SLC9B2: variants seen among roughly 807,000 people sequenced by gnomAD.
SLC9B2 encodes the protein sodium/hydrogen exchanger 9B2.
Under a neutral mutation model 52.2 loss-of-function variants are expected in SLC9B2, and 39 were observed. That is an observed-to-expected ratio of 0.75 (90% CI 0.58 to 0.98). The LOEUF (loss-of-function observed/expected upper bound fraction) is 0.98. Ranked by LOEUF, SLC9B2 falls within the 50% of genes least tolerant of loss-of-function variation. The probability of loss-of-function intolerance (pLI) is 0.00; values close to 1 mark genes in which losing one functional copy is unlikely to be tolerated. For missense variants in SLC9B2, 626 were observed against 637.5 expected (o/e 0.98, Z 0.19); for synonymous variants, 214 against 227.0 (o/e 0.94, Z 0.51).
chr4:103,042,370 G>C (rs1205859846), intron 9 of SLC9B2: 1 of 152,032 alleles, frequency 6.6e-6, no homozygotes, highest in Non-Finnish European at 1.5e-5. Flanking sequence ...ATCCTATCAA[G>C]TTCAAATCTA....
rs1460395807 is a variant in SLC9B2, at chr4:103,023,817, T to G, written c.*2553A>C. Among the ~76,000 whole-genome samples the G allele has an allele frequency of 2.0e-5, 3 of 152,196 alleles. No homozygotes were observed. Among genetic ancestry groups the G allele is most frequent in the African/African-American group, 7.2e-5 (3 of 41,432 alleles). On this transcript the variant is annotated 3_prime_UTR_variant, in exon 12 of 12. Transcript: ENST00000394785. The stretch of plus-strand genomic sequence containing the variant: ...ACTCTGTGGACTTCCATTTCTAATT[T>G]TCCTAGGGGCCCTAAACATATTCAA...
At chr4:103,064,137 T>C (rs1745894747) in intron 3 of SLC9B2, among the ~76,000 whole-genome samples, 1 of 152,198 alleles carries the variant, frequency 6.6e-6, no homozygotes, top group African/African-American at 2.4e-5. Context: ...TGCAATCCCA[T>C]TACTGGGTAT....
chr4:103,066,625 T>G (rs1746154103), intron 2 of SLC9B2, 118 bp from the exon 3 acceptor site: 2 of 982,956 alleles, frequency 2.0e-6, no homozygotes, highest in Non-Finnish European at 1.4e-6. Context: ...GGATAACACT[T>G]TGTAGAAAAA....
At chr4:103,076,819 C>A (rs781732082), upstream of SLC9B2, 2 of 152,344 alleles carry the variant, frequency 1.3e-5, no homozygotes, top group African/African-American at 4.8e-5. Flanking sequence ...CGGCGCAGGC[C>A]GGGCAGCCCG....
intron 4 of SLC9B2, among the ~76,000 whole-genome samples, chr4:103,057,266 A>ATG (rs1337234783): frequency 6.8e-6 from 1 of 147,560 alleles, no homozygotes; most frequent in African/African-American, 2.5e-5. Flanking sequence ...ATATATATAT[A>ATG]TATATATACA....
At position 103,031,718 on chromosome 4, in the gene SLC9B2, G is replaced by C; in HGVS notation, c.1237C>G (p.Leu413Val). ...LIGAEVSIASLRPETVGLCVA... is the reference protein window; with the variant it reads ...LIGAEVSIASVRPETVGLCVA... The stretch of plus-strand genomic sequence containing the variant: ...TTCTTACCTACAGTTTCTGGTCTGA[G>C]AGATGCAATAGATACCTCTGCTCCA... The change falls in exon 10 of 12, where the codon CTC (leucine) becomes GTC (valine). Residue 413 changes from leucine to valine, a missense_variant. Coordinates refer to ENST00000394785, the MANE Select transcript of SLC9B2 (RefSeq NM_178833.7). 1 of 1,612,362 alleles carries C rather than the reference G, an allele frequency of 6.2e-7. No homozygotes were observed. Among genetic ancestry groups the C allele is most frequent in the East Asian group, 2.2e-5 (1 of 44,790 alleles).
rs187284242 is a variant in SLC9B2, at chr4:103,022,683, C to T, written c.*3687G>A. ...AAGGTGATTGGGAGTTAATACCAGA[C>T]AGAAATATACTGTCCTTGGAAATAT... On this transcript the variant is annotated 3_prime_UTR_variant, in exon 12 of 12. Coordinates refer to ENST00000394785, the MANE Select transcript of SLC9B2 (RefSeq NM_178833.7). Among the ~76,000 whole-genome samples, 2 of 152,306 alleles carry T rather than the reference C, an allele frequency of 1.3e-5. No individual in the cohort carries two copies. The highest frequency in any genetic ancestry group is 4.8e-5 in the African/African-American group (2 of 41,568).
At chr4:103,068,814 C>T (rs150872089) in intron 1 of SLC9B2, among the ~76,000 whole-genome samples, 491 of 152,216 alleles carry the variant, frequency 3.2e-3, no homozygotes, top group Non-Finnish European at 4.8e-3. Flanking sequence ...TATCAAAGTG[C>T]CTAATGGGTT....
At chr4:103,043,631 A>G (rs1743840313) in intron 8 of SLC9B2, among the ~76,000 whole-genome samples, 186 bp from the exon 9 acceptor site, 1 of 152,220 alleles carries the variant, frequency 6.6e-6, no homozygotes, top group Non-Finnish European at 1.5e-5. Flanking sequence ...GCACACTGCA[A>G]TGGTGAGCTC....
intron 1 of SLC9B2, among the ~76,000 whole-genome samples, chr4:103,071,061 G>GA (rs539845396): frequency 1.2e-4 from 18 of 149,272 alleles, no homozygotes; most frequent in South Asian, 1.1e-3. Flanking sequence ...GAAGGAAACA[G>GA]AAAAAAAAAA....
At chr4:103,028,687 T>C in intron 11 of SLC9B2, 60 bp downstream of exon 11, 1 of 1,527,178 alleles carries the variant, frequency 6.5e-7, no homozygotes, top group Non-Finnish European at 8.8e-7. Flanking sequence ...TCTTATTCAA[T>C]ATTTCAAGGT....
In SLC9B2 at chr4:103,025,632, A is replaced by C. The variant is rs1283051306; in HGVS notation, c.*738T>G. The C allele has an allele frequency of 6.6e-6, 1 of 152,128 alleles. No homozygotes were observed. The highest frequency in any genetic ancestry group is 2.4e-5 in the African/African-American group (1 of 41,420). 9.4% of individuals were successfully genotyped at this position (152,128 alleles called of 1,614,324 possible). On this transcript the variant is annotated 3_prime_UTR_variant, in exon 12 of 12. Transcript: ENST00000394785. ...CTATCTCCCACCTAGAAATGGGAAG[A>C]GCCTAAAGATATGGGTCATAAGAAA...
At chr4:103,019,154 TGTGG>T (rs1168582768), downstream of SLC9B2, among the ~76,000 whole-genome samples, 1 of 151,754 alleles carries the variant, frequency 6.6e-6, no homozygotes, top group Non-Finnish European at 1.5e-5. Flanking sequence ...GGGGCGTGGA[TGTGG>T]GTGGGTGGGG....
intron 1 of SLC9B2, among the ~76,000 whole-genome samples, 156 bp from the exon 2 acceptor site, chr4:103,067,748 G>C (rs1485331766): frequency 6.6e-6 from 1 of 151,804 alleles, no homozygotes. Flanking sequence ...TATTGTTTTT[G>C]CTTGATTCTA....
intron 10 of SLC9B2, among the ~76,000 whole-genome samples, chr4:103,031,084 T>C (rs546492762): frequency 1.3e-5 from 2 of 152,104 alleles, no homozygotes; most frequent in East Asian, 3.9e-4. Context: ...ATATTTAAGA[T>C]GTATGAGAAA....
intron 6 of SLC9B2, among the ~76,000 whole-genome samples, chr4:103,047,568 T>C (rs1212982456): frequency 8.7e-5 from 8 of 91,818 alleles, no homozygotes; most frequent in Admixed American, 3.4e-4. Context: ...CAACAGGCCC[T>C]GGTGTGTGAT....
chr4:103,063,757 C>T (rs778674130), intron 3 of SLC9B2, among the ~76,000 whole-genome samples: 2 of 152,092 alleles, frequency 1.3e-5, no homozygotes, highest in Non-Finnish European at 2.9e-5. Flanking sequence ...GAAGAGACAA[C>T]CTACAGAATG....
intron 9 of SLC9B2, among the ~76,000 whole-genome samples, chr4:103,039,792 G>A (rs7687571): frequency 6.6e-6 from 1 of 151,404 alleles, no homozygotes; most frequent in African/African-American, 2.4e-5. Context: ...GACTATAGGC[G>A]CATACCACCA....
rs759533928 is a variant in SLC9B2, at chr4:103,024,841, G to T, written c.*1529C>A. Among the ~76,000 whole-genome samples, 2 of 152,212 alleles carry T rather than the reference G, an allele frequency of 1.3e-5. No homozygotes were observed. Among genetic ancestry groups the T allele is most frequent in the East Asian group, 3.8e-4 (2 of 5,200 alleles). On this transcript the variant is annotated 3_prime_UTR_variant, in exon 12 of 12. Transcript: ENST00000394785. The stretch of plus-strand genomic sequence containing the variant: ...TGATACACAAAAGCAGAGATGGCCT[G>T]TTACAAAGTAGGATAAAATATGACC...
Sources: gnomAD v4.1 joint callset for allele counts (sites outside exome capture counted in the v4.1 genomes callset) on GRCh38, gnomAD v4.1.1 for gene constraint, MANE v1.5 for transcripts, NCBI Gene and HGNC (gene_info 2026-07-23, HGNC 2026-07-21) for gene names.